KLF12: variants seen among roughly 807,000 people sequenced by gnomAD.
KLF12 encodes the protein Krueppel-like factor 12.
In KLF12, 9 loss-of-function variants were observed where a neutral mutation model predicts 37.8. The observed-to-expected ratio is 0.24, with a 90% CI of 0.14 to 0.42. KLF12 has a LOEUF of 0.42. Among genes scored for constraint, KLF12 ranks in the 10% least tolerant of loss-of-function variants. The probability of loss-of-function intolerance (pLI) is 1.00; values close to 1 mark genes in which losing one functional copy is unlikely to be tolerated. For missense variants in KLF12, 411 were observed against 516.0 expected, an observed-to-expected ratio of 0.80 and a Z score of 1.97; for synonymous variants, 208 against 202.1, an observed-to-expected ratio of 1.03 and a Z score of -0.25.
chr13:74,052,347 C>T (rs1872976064), intron 1 of KLF12, among the ~76,000 whole-genome samples: 1 of 152,102 alleles, frequency 6.6e-6, no homozygotes, highest in African/African-American at 2.4e-5. Context: ...TTACCTGCTA[C>T]TCATTAGATA....
At chr13:73,804,945 C>T (rs918955497) in intron 5 of KLF12, among the ~76,000 whole-genome samples, 3 of 152,176 alleles carry the variant, frequency 2.0e-5, no homozygotes, top group Non-Finnish European at 4.4e-5. Flanking sequence ...AATAATTTAA[C>T]ACTGAAATTA....
chr13:73,816,134 C>G (rs1214211221), intron 4 of KLF12, among the ~76,000 whole-genome samples: 1 of 152,158 alleles, frequency 6.6e-6, no homozygotes, highest in Non-Finnish European at 1.5e-5. Context: ...CTGATTAGGT[C>G]AGATGATTAG....
At chr13:74,248,663 G>T in the KLF12 span, among the ~76,000 whole-genome samples, 1 of 152,154 alleles carries the variant, frequency 6.6e-6, no homozygotes, top group Admixed American at 6.5e-5. Flanking sequence ...CCATCATTAA[G>T]GGCTAACCTG....
intron 1 of KLF12, among the ~76,000 whole-genome samples, chr13:74,056,265 C>T (rs1360722846): frequency 6.6e-6 from 1 of 152,182 alleles, no homozygotes; most frequent in Non-Finnish European, 1.5e-5. Flanking sequence ...ATTGGGTGTA[C>T]ACAGCAGCCC....
the KLF12 span, among the ~76,000 whole-genome samples, chr13:74,260,852 A>G: frequency 6.6e-6 from 1 of 152,134 alleles, no homozygotes; most frequent in Non-Finnish European, 1.5e-5. Context: ...GTTAAAGAAT[A>G]AAAAGAAGCA....
At chr13:73,935,810 T>C (rs759721522) in intron 3 of KLF12, among the ~76,000 whole-genome samples, 11 of 152,112 alleles carry the variant, frequency 7.2e-5, no homozygotes, top group Non-Finnish European at 1.5e-4. Context: ...GTATTTTTTG[T>C]AGAAATGGGG....
chr13:74,198,780 G>C, the KLF12 span, among the ~76,000 whole-genome samples: 1 of 152,164 alleles, frequency 6.6e-6, no homozygotes, highest in Non-Finnish European at 1.5e-5. Flanking sequence ...CATCCAGGGG[G>C]CTGGAAGTCC....
chr13:73,871,348 G>C lies in KLF12; in HGVS notation c.124-24975C>G, dbSNP rs1001680214. On this transcript the variant is annotated intron_variant, in intron 3 of 7. Coordinates refer to ENST00000377669, the MANE Select transcript of KLF12 (RefSeq NM_007249.5). ...CCCTCCTTCTCTTCAATGAATAAGCGAGCATTCGCTATACTAAATTCCTGT... is the reference window on the plus strand; with the variant it reads ...CCCTCCTTCTCTTCAATGAATAAGCCAGCATTCGCTATACTAAATTCCTGT... Among the ~76,000 whole-genome samples, 181 of 152,306 alleles carry C rather than the reference G, an allele frequency of 1.2e-3. 3 individuals carry two copies. The highest frequency in any genetic ancestry group is 2.2e-4 in the Non-Finnish European group (15 of 68,038).
the KLF12 span, among the ~76,000 whole-genome samples, chr13:74,298,569 G>A: frequency 6.6e-6 from 1 of 152,136 alleles, no homozygotes; most frequent in Non-Finnish European, 1.5e-5. Context: ...AGACCCATAT[G>A]GGAGTTAGGA....
At chr13:74,182,206 A>C in the KLF12 span, among the ~76,000 whole-genome samples, 79 of 152,230 alleles carry the variant, frequency 5.2e-4, no homozygotes, top group Non-Finnish European at 1.1e-3. Flanking sequence ...GTATAATCTC[A>C]ATTCACTGCG....
chr13:74,018,560 A>C (rs1185550379), intron 1 of KLF12, among the ~76,000 whole-genome samples: 2 of 152,214 alleles, frequency 1.3e-5, no homozygotes, highest in Non-Finnish European at 2.9e-5. Flanking sequence ...TAATACATAC[A>C]ATTTTATATC....
At chr13:73,915,058 G>T (rs1344044278) in intron 3 of KLF12, among the ~76,000 whole-genome samples, 1 of 152,150 alleles carries the variant, frequency 6.6e-6, no homozygotes, top group Non-Finnish European at 1.5e-5. Flanking sequence ...GGCTCTCTCT[G>T]TAGGATCCAG....
chr13:73,937,966 C>T (rs1352097967), intron 3 of KLF12, among the ~76,000 whole-genome samples: 1 of 151,992 alleles, frequency 6.6e-6, no homozygotes, highest in African/African-American at 2.4e-5. Context: ...AAATGTTTTT[C>T]TTTGAAGCCA....
chr13:73,999,223 A>T (rs1382545484), intron 1 of KLF12, among the ~76,000 whole-genome samples: 1 of 152,344 alleles, frequency 6.6e-6, no homozygotes, highest in Admixed American at 6.5e-5. Flanking sequence ...TTAAAAAGTG[A>T]TAACAGACAT....
intron 4 of KLF12, among the ~76,000 whole-genome samples, chr13:73,837,350 G>A (rs1420406530): frequency 6.6e-6 from 1 of 152,196 alleles, no homozygotes; most frequent in Non-Finnish European, 1.5e-5. Context: ...AGATGAAGCA[G>A]CGAAATCGAC....
At chr13:74,161,229 A>C in the KLF12 span, among the ~76,000 whole-genome samples, 19 of 151,896 alleles carry the variant, frequency 1.3e-4, no homozygotes, top group Non-Finnish European at 2.5e-4. Context: ...ATCACCTGTA[A>C]TGGGTTTTAT....
At chr13:73,724,499 G>C (rs369575476) in intron 6 of KLF12, among the ~76,000 whole-genome samples, 35 of 152,296 alleles carry the variant, frequency 2.3e-4, no homozygotes, top group African/African-American at 8.4e-4. Flanking sequence ...TGTGTTACCA[G>C]AATGACTGTC....
the KLF12 span, among the ~76,000 whole-genome samples, chr13:74,228,833 T>G: frequency 4.6e-5 from 7 of 151,852 alleles, no homozygotes; most frequent in South Asian, 1.0e-3. Flanking sequence ...AAGTAAAGAT[T>G]AAATGCTAGT....
At chr13:74,301,838 C>T in the KLF12 span, among the ~76,000 whole-genome samples, 1 of 152,110 alleles carries the variant, frequency 6.6e-6, no homozygotes, top group Non-Finnish European at 1.5e-5. Context: ...CTTGCCCGCC[C>T]CAATTTTCAT....
Sources: gnomAD v4.1 joint callset for allele counts (sites outside exome capture counted in the v4.1 genomes callset) on GRCh38, gnomAD v4.1.1 for gene constraint, MANE v1.5 for transcripts, NCBI Gene and HGNC (gene_info 2026-07-23, HGNC 2026-07-21) for gene names.